SDC2: variants seen among roughly 807,000 people sequenced by gnomAD.
SDC2 encodes the protein syndecan 2, also known as syndecan-2.
Under a neutral mutation model 22.2 loss-of-function variants are expected in SDC2, and 13 were observed. That is an observed-to-expected ratio of 0.59 (90% confidence interval 0.38 to 0.93). The LOEUF is 0.93. Ranked by LOEUF, SDC2 falls within the 40% of genes least tolerant of loss-of-function variation. SDC2 has a pLI of 0.00. For missense variants in SDC2, 235 were observed against 246.8 expected, an observed-to-expected ratio of 0.95 and a Z score of 0.32; for synonymous variants, 94 against 92.8, an observed-to-expected ratio of 1.01 and a Z score of -0.07.
At position 96,566,829 on chromosome 8, in the gene SDC2, G is replaced by A. The variant is rs145701927; in HGVS notation, c.61-26651G>A. Among the ~76,000 whole-genome samples the A allele has an allele frequency of 3.9e-3, 589 of 152,082 alleles. 2 individuals are homozygous for A. The highest frequency in any genetic ancestry group is 6.2e-3 in the Non-Finnish European group (419 of 67,964). ...GGGAGGGGGGTGTGGTTATGTGTTT[G>A]TATATGTATGTTCAAGTATATCTTT... On this transcript the variant is annotated intron_variant, in intron 1 of 4. Transcript: ENST00000302190.
At chr8:96,499,762 C>CTT (rs397763001) in intron 1 of SDC2, among the ~76,000 whole-genome samples, 21 of 143,708 alleles carry the variant, frequency 1.5e-4, no homozygotes, top group East Asian at 2.0e-4. Flanking sequence ...CTCTCTTGGC[C>CTT]TTTTTTTTTT....
intron 1 of SDC2, among the ~76,000 whole-genome samples, chr8:96,497,402 T>G (rs2130412777): frequency 6.6e-6 from 1 of 152,342 alleles, no homozygotes; most frequent in East Asian, 1.9e-4. Flanking sequence ...AGATCAGGCT[T>G]GCAGAAAATG....
intron 1 of SDC2, among the ~76,000 whole-genome samples, chr8:96,540,309 T>A (rs1037096242): frequency 1.5e-5 from 2 of 134,092 alleles, no homozygotes; most frequent in African/African-American, 5.2e-5. Flanking sequence ...TTGGGCAACA[T>A]AGCAAAACCC....
chr8:96,498,235 T>C (rs943925546), intron 1 of SDC2, among the ~76,000 whole-genome samples: 1 of 152,140 alleles, frequency 6.6e-6, no homozygotes, highest in South Asian at 2.1e-4. Context: ...CAGGCAGATA[T>C]CCCCCTGCCT....
Position 96,505,826 on chromosome 8 carries a change from C to G in SDC2, c.60+11495C>G, listed in dbSNP as rs534463573. ...CACGTTACTATAAGCCAACAAAGGA[C>G]AAAGCTCTATGTTGGTCCTGCAAGT... On this transcript the variant is annotated intron_variant, in intron 1 of 4. Coordinates refer to ENST00000302190, the MANE Select transcript of SDC2 (RefSeq NM_002998.4). Among the ~76,000 whole-genome samples the G allele has an allele frequency of 3.3e-5, 5 of 152,234 alleles. No homozygotes were observed. The South Asian group carries it at 8.3e-4, about 25-fold the overall frequency.
intron 1 of SDC2, among the ~76,000 whole-genome samples, chr8:96,550,728 A>G (rs1466420403): frequency 6.6e-6 from 1 of 152,176 alleles, no homozygotes; most frequent in Non-Finnish European, 1.5e-5. Context: ...TGTTCTATTT[A>G]AAGTATATTA....
intron 1 of SDC2, among the ~76,000 whole-genome samples, chr8:96,540,013 C>T (rs982397973): frequency 3.3e-5 from 5 of 151,992 alleles, no homozygotes; most frequent in East Asian, 1.9e-4. Flanking sequence ...GACATATTGA[C>T]GGAAGAAATC....
In SDC2 at chr8:96,516,204, T is replaced by A. The variant is rs889703325; in HGVS notation, c.60+21873T>A. ...GCAATGGCTTTCTGTGGACCCCACCTCTCTGCTTAACCTTTTTGGGTTTTT... is the reference window on the plus strand; with the variant it reads ...GCAATGGCTTTCTGTGGACCCCACCACTCTGCTTAACCTTTTTGGGTTTTT... On this transcript the variant is annotated intron_variant, in intron 1 of 4. Transcript: ENST00000302190. 3.0e-4 allele frequency among the ~76,000 whole-genome samples: 45 copies of A among 152,210 alleles called. 1 individual carries two copies. Among genetic ancestry groups the A allele is most frequent in the Admixed American group, 6.5e-5 (1 of 15,288 alleles).
chr8:96,508,140 C>CA (rs1229113012), intron 1 of SDC2, among the ~76,000 whole-genome samples: 5 of 151,988 alleles, frequency 3.3e-5, no homozygotes, highest in African/African-American at 1.2e-4. Flanking sequence ...ACTAAAAATA[C>CA]AAAAAATTAG....
At chr8:96,581,533 G>A (rs1814589871) in intron 1 of SDC2, among the ~76,000 whole-genome samples, 1 of 152,070 alleles carries the variant, frequency 6.6e-6, no homozygotes, top group African/African-American at 2.4e-5. Flanking sequence ...TTGAGAGGCT[G>A]AGACAGGAGA....
intron 2 of SDC2, among the ~76,000 whole-genome samples, chr8:96,597,635 T>C (rs1235573153): frequency 6.6e-6 from 1 of 152,144 alleles, no homozygotes; most frequent in Non-Finnish European, 1.5e-5. Context: ...AAGCAGATGC[T>C]CGAACAATGG....
intron 1 of SDC2, among the ~76,000 whole-genome samples, chr8:96,520,791 A>G (rs1024349490): frequency 1.3e-5 from 2 of 152,180 alleles, no homozygotes; most frequent in Non-Finnish European, 2.9e-5. Context: ...TCTGAGTTTG[A>G]TTATGCACAT....
intron 1 of SDC2, among the ~76,000 whole-genome samples, chr8:96,574,197 G>A (rs186556807): frequency 2.6e-5 from 4 of 152,086 alleles, no homozygotes; most frequent in East Asian, 3.9e-4. Flanking sequence ...AGGGGGTCTC[G>A]CAAGTCTCTA....
intron 1 of SDC2, among the ~76,000 whole-genome samples, chr8:96,543,622 A>T (rs1275274524): frequency 6.6e-6 from 1 of 152,208 alleles, no homozygotes; most frequent in Admixed American, 6.5e-5. Context: ...GTCTAAACAT[A>T]GGGTGCTCTA....
chr8:96,539,223 G>A (rs1295961815), intron 1 of SDC2, among the ~76,000 whole-genome samples: 1 of 152,192 alleles, frequency 6.6e-6, no homozygotes, highest in Non-Finnish European at 1.5e-5. Flanking sequence ...TGAATTGTCA[G>A]ATTCTACAGA....
At chr8:96,504,887 G>C (rs1175739530) in intron 1 of SDC2, among the ~76,000 whole-genome samples, 1 of 152,022 alleles carries the variant, frequency 6.6e-6, no homozygotes. Flanking sequence ...AAGGGAGATA[G>C]GGGTGGGGCC....
chr8:96,603,548 T>A (rs2130655472), intron 3 of SDC2, among the ~76,000 whole-genome samples: 1 of 152,306 alleles, frequency 6.6e-6, no homozygotes, highest in African/African-American at 2.4e-5. Context: ...AGACAGGGTA[T>A]GGATATGGAA....
intron 1 of SDC2, among the ~76,000 whole-genome samples, chr8:96,588,559 C>T (rs1029550615): frequency 1.3e-5 from 2 of 152,156 alleles, no homozygotes; most frequent in African/African-American, 2.4e-5. Flanking sequence ...TACCGTAAAA[C>T]AGGAGGCATC....
intron 1 of SDC2, among the ~76,000 whole-genome samples, chr8:96,565,084 A>ATTTTTTTTTTTTT (rs11304418): frequency 0.019 from 1,309 of 67,562 alleles, 183 homozygotes; most frequent in Non-Finnish European, 0.024. Flanking sequence ...CCTAAATTTG[A>ATTTTTTTTTTTTT]TTTTTTTTTT....
Sources: gnomAD v4.1 joint callset for allele counts (sites outside exome capture counted in the v4.1 genomes callset) on GRCh38, gnomAD v4.1.1 for gene constraint, MANE v1.5 for transcripts, NCBI Gene and HGNC (gene_info 2026-07-23, HGNC 2026-07-21) for gene names.